Variants in PFN2 observed in about 807,000 individuals in gnomAD.
PFN2 encodes profilin-2.
In PFN2, 8 loss-of-function variants were observed where a neutral mutation model predicts 15.3. That is an observed-to-expected ratio of 0.52 (90% CI 0.31 to 0.95). The LOEUF (loss-of-function observed/expected upper bound fraction) is 0.95. PFN2 is among the 40% of genes least tolerant of loss of function. The probability of loss-of-function intolerance (pLI) is 0.05; values close to 1 mark genes in which losing one functional copy is unlikely to be tolerated. For synonymous variants in PFN2, 79 were observed against 67.9 expected, an observed-to-expected ratio of 1.16 and a Z score of -0.81; for missense variants, 111 against 182.3, an observed-to-expected ratio of 0.61 and a Z score of 2.25.
At position 149,966,030 on chromosome 3, in the gene PFN2, ATC is replaced by A; in HGVS notation, c.*457_*458del. On this transcript the variant is annotated 3_prime_UTR_variant, in exon 3 of 3. Transcript: ENST00000239940. ...ACATACAGTGGTTAACATACAAATG[ATC>A]CATTGGGCAAACAGGAATCATGACA... 1 of 1,487,490 alleles carries A rather than the reference ATC, an allele frequency of 6.7e-7. No individual in the cohort carries two copies. The highest frequency in any genetic ancestry group is 8.9e-7 in the Non-Finnish European group (1 of 1,123,882). The allele number at this position is 1,487,490 out of a possible 1,614,324, so 92.1% of individuals were successfully genotyped here. A position where few individuals can be genotyped will look rare whatever the true frequency, so the allele number is the denominator to read the frequency against.
rs564226625 is a variant in PFN2, at chr3:149,969,797, C to T, written c.132+928G>A. ...CAAATATTCTCCAAACATATTGCAA[C>T]CAACTCAAAACCATCAAGTCTCAAG... is the stretch of plus-strand genomic sequence containing the variant. On this transcript the variant is annotated intron_variant, in intron 1 of 2. Transcript: ENST00000239940. Among the ~76,000 whole-genome samples the T allele has an allele frequency of 4.9e-4, 75 of 152,178 alleles. 1 individual carries two copies. The South Asian group carries it at 6.2e-3, about 13-fold the overall frequency.
chr3:149,970,675 C>T, intron 1 of PFN2, 50 bp downstream of exon 1: 1 of 1,447,064 alleles, frequency 6.9e-7, no homozygotes, highest in Non-Finnish European at 9.2e-7. Context: ...CGCGGCCGGC[C>T]ACCCCGCTCC....
intron 2 of PFN2, chr3:149,968,102 C>CAAA (rs1722741772): frequency 2.6e-6 from 1 of 385,546 alleles, no homozygotes; most frequent in South Asian, 7.0e-5. Context: ...GTTTAAGAGA[C>CAAA]TTTTAAGTTT....
At chr3:149,968,150 G>A (rs73868615) in intron 2 of PFN2, 2 of 461,756 alleles carry the variant, frequency 4.3e-6, no homozygotes, top group African/African-American at 2.0e-5. Context: ...ATATTCTATC[G>A]TAGAAACAAA....
chr3:149,965,307 A>G lies in PFN2; in HGVS notation c.*1182T>C, dbSNP rs1274222122. On this transcript the variant is annotated 3_prime_UTR_variant, in exon 3 of 3. Coordinates refer to ENST00000239940, the MANE Select transcript of PFN2 (RefSeq NM_053024.4). ...CTGCAAATAAAAATTGGTCCTATGA[A>G]GAACAAACTGGACACACTCCAGATG... 6.5e-7 allele frequency: 1 copy of G among 1,534,934 alleles called. No individual in the cohort carries two copies. The highest frequency in any genetic ancestry group is 8.7e-7 in the Non-Finnish European group (1 of 1,146,370).
In PFN2 at chr3:149,965,961, A is replaced by G. The variant is rs1395968898; in HGVS notation, c.*528T>C. On this transcript the variant is annotated 3_prime_UTR_variant, in exon 3 of 3. Transcript: ENST00000239940. Reference sequence around the variant, plus strand: ...CCCCCCAATTTCAAGGTATCATGCAAATCATTATTGTGCTGCAATTATGTT... The same window carrying G: ...CCCCCCAATTTCAAGGTATCATGCAGATCATTATTGTGCTGCAATTATGTT... 1 of 1,363,852 alleles carries G rather than the reference A, an allele frequency of 7.3e-7. No homozygotes were observed. The highest frequency in any genetic ancestry group is 9.4e-7 in the Non-Finnish European group (1 of 1,062,880). 84.5% of individuals were successfully genotyped at this position (1,363,852 alleles called of 1,614,324 possible).
chr3:149,969,343 A>C (rs1456928490), intron 1 of PFN2, among the ~76,000 whole-genome samples: 1 of 152,204 alleles, frequency 6.6e-6, no homozygotes, highest in Non-Finnish European at 1.5e-5. Flanking sequence ...CTAACATTCC[A>C]TGAATAAGAA....
chr3:149,965,532 A>G lies in PFN2; in HGVS notation c.*957T>C, dbSNP rs1576617649. On this transcript the variant is annotated 3_prime_UTR_variant, in exon 3 of 3. Coordinates refer to ENST00000239940, the MANE Select transcript of PFN2 (RefSeq NM_053024.4). ...CTTGTTTTGCCATTGCACTCTTCAT[A>G]TGTCCTGTAGACACTATGAATAAAG... 7.2e-7 allele frequency: 1 copy of G among 1,390,390 alleles called. No individual in the cohort carries two copies. Among genetic ancestry groups the G allele is most frequent in the South Asian group, 1.8e-5 (1 of 56,460 alleles). 86.1% of individuals were successfully genotyped at this position (1,390,390 alleles called of 1,614,324 possible).
Position 149,965,299 on chromosome 3 carries a change from T to C in PFN2, c.*1190A>G, listed in dbSNP as rs1282139627. 39 of 1,534,890 alleles carry C rather than the reference T, an allele frequency of 2.5e-5. No homozygotes were observed. Among genetic ancestry groups the C allele is most frequent in the Non-Finnish European group, 3.3e-5 (38 of 1,146,314 alleles). Reference sequence around the variant, plus strand: ...AACTCAAGCTGCAAATAAAAATTGGTCCTATGAAGAACAAACTGGACACAC... The same window carrying C: ...AACTCAAGCTGCAAATAAAAATTGGCCCTATGAAGAACAAACTGGACACAC... On this transcript the variant is annotated 3_prime_UTR_variant, in exon 3 of 3. Transcript: ENST00000239940.
At chr3:149,966,920 T>C (rs1200125849) in intron 2 of PFN2, among the ~76,000 whole-genome samples, 1 of 152,052 alleles carries the variant, frequency 6.6e-6, no homozygotes, top group Non-Finnish European at 1.5e-5. Flanking sequence ...TACATGTTAT[T>C]ACTTGCCCCC....
chr3:149,967,515 C>T (rs554353260), intron 2 of PFN2, among the ~76,000 whole-genome samples: 1 of 152,312 alleles, frequency 6.6e-6, no homozygotes, highest in East Asian at 1.9e-4. Flanking sequence ...ACAGCAGCTT[C>T]AACTCCCCTC....
In PFN2 at chr3:149,965,278, C is replaced by T. The variant is rs1444498597; in HGVS notation, c.*1211G>A. The T allele has an allele frequency of 6.5e-7, 1 of 1,534,896 alleles. No homozygotes were observed. The highest frequency in any genetic ancestry group is 8.7e-7 in the Non-Finnish European group (1 of 1,146,322). Reference sequence around the variant, plus strand: ...AATAATGCAACTTCATATAAAAACTCAAGCTGCAAATAAAAATTGGTCCTA... The same window carrying T: ...AATAATGCAACTTCATATAAAAACTTAAGCTGCAAATAAAAATTGGTCCTA... On this transcript the variant is annotated 3_prime_UTR_variant, in exon 3 of 3. Coordinates refer to ENST00000239940, the MANE Select transcript of PFN2 (RefSeq NM_053024.4).
In PFN2 at chr3:149,966,265, C is replaced by A; in HGVS notation, c.*224G>T. Reference sequence around the variant, plus strand: ...TCCTTTCCCATGACTATAACCAATGCTGGAGTACACAAGGAAACAAAACAA... The same window carrying A: ...TCCTTTCCCATGACTATAACCAATGATGGAGTACACAAGGAAACAAAACAA... On this transcript the variant is annotated 3_prime_UTR_variant, in exon 3 of 3. Transcript: ENST00000239940. 6.2e-7 allele frequency: 1 copy of A among 1,612,280 alleles called. No individual in the cohort carries two copies.
chr3:149,968,452 A>G lies in PFN2; in HGVS notation c.231T>C (p.Ser77=). Residue 77 remains serine, a synonymous_variant, in exon 2 of 3, where the codon AGT becomes AGC. Coordinates refer to ENST00000239940, the MANE Select transcript of PFN2 (RefSeq NM_053024.4). ...GAKKCSVIRD[S]LYVDGDCTMD... is the part of the protein sequence containing the mutation. ...TTGTGCAGTCACCATCGACGTATAG[A>G]CTATCTCTGATCACTGAGCATTTCT... 1.2e-6 allele frequency: 2 copies of G among 1,614,056 alleles called. No homozygotes were observed. The highest frequency in any genetic ancestry group is 2.2e-5 in the South Asian group (2 of 91,084).
At position 149,966,098 on chromosome 3, in the gene PFN2, T is replaced by C; in HGVS notation, c.*391A>G. ...AGAAAAATTAGCTACCATCTACAGT[T>C]TGGTAGCATTGTGACCATAATTAGG... On this transcript the variant is annotated 3_prime_UTR_variant, in exon 3 of 3. Coordinates refer to ENST00000239940, the MANE Select transcript of PFN2 (RefSeq NM_053024.4). 6.4e-7 allele frequency: 1 copy of C among 1,560,812 alleles called. No homozygotes were observed. Among genetic ancestry groups the C allele is most frequent in the Non-Finnish European group, 8.6e-7 (1 of 1,157,106 alleles).
chr3:149,966,826 C>T (rs1046161959), intron 2 of PFN2, among the ~76,000 whole-genome samples: 5 of 151,738 alleles, frequency 3.3e-5, no homozygotes, highest in Admixed American at 2.6e-4. Context: ...TTCTATACAA[C>T]TATCTTTACA....
intron 1 of PFN2, chr3:149,968,768 TTAA>T: frequency 9.7e-6 from 5 of 516,120 alleles, no homozygotes; most frequent in South Asian, 2.9e-5. Context: ...TTGACTTCAG[TTAA>T]TGATGTCGTC....
intron 1 of PFN2, 26 bp downstream of exon 1, chr3:149,970,699 G>A: frequency 2.0e-6 from 3 of 1,492,262 alleles, no homozygotes; most frequent in South Asian, 1.3e-5. Context: ...GCAGGGACCA[G>A]GGTACCGGCC....
chr3:149,966,642 T>A (rs962222018), intron 2 of PFN2, 56 bp from the exon 3 acceptor site: 1 of 1,342,132 alleles, frequency 7.5e-7, no homozygotes, highest in East Asian at 2.3e-5. Context: ...GAAAGTCACA[T>A]AAGTTTTAGC....
Sources: gnomAD v4.1 joint callset for allele counts (sites outside exome capture counted in the v4.1 genomes callset) on GRCh38, gnomAD v4.1.1 for gene constraint, MANE v1.5 for transcripts, NCBI Gene and HGNC (gene_info 2026-07-23, HGNC 2026-07-21) for gene names.